Variants in DST observed in about 807,000 individuals in gnomAD.
The protein encoded by DST is dystonin.
DST carries 253 observed loss-of-function variants against 875.2 expected under a neutral mutation model. The ratio of observed to expected loss-of-function variants is 0.29; its 90% CI spans 0.26 to 0.32. DST has a LOEUF of 0.32. Ranked by LOEUF, DST falls within the 10% of genes least tolerant of loss-of-function variation. DST has a pLI of 1.00. For synonymous variants in DST, 3,124 were observed against 3,197.1 expected (o/e 0.98, Z 0.77); for missense variants, 8,287 against 9,111.6 (o/e 0.91, Z 3.68).
chr6:56,541,896 TAAAC>T (rs1482235487), intron 61 of DST, among the ~76,000 whole-genome samples: 2 of 152,016 alleles, frequency 1.3e-5, no homozygotes, highest in Non-Finnish European at 2.9e-5. Flanking sequence ...ACACAGAAAA[TAAAC>T]AAACACACAC....
At chr6:56,852,041 C>T in intron 3 of DST, 2 of 1,423,564 alleles carry the variant, frequency 1.4e-6, no homozygotes, top group Non-Finnish European at 1.8e-6. Context: ...CTCGAAGTTT[C>T]GAAAACAAAG....
At chr6:56,741,817 C>G (rs2099547741) in intron 4 of DST, among the ~76,000 whole-genome samples, 1 of 152,170 alleles carries the variant, frequency 6.6e-6, no homozygotes, top group African/African-American at 2.4e-5. Context: ...ACTTTTATAA[C>G]ATTCCTCTAT....
chr6:56,511,048 A>G, intron 73 of DST, 149 bp downstream of exon 73: 1 of 670,848 alleles, frequency 1.5e-6, no homozygotes, highest in Non-Finnish European at 2.5e-6. Context: ...GCAAGCAAAC[A>G]TCACCTCTGA....
chr6:56,763,729 AG>A (rs1278847196), intron 4 of DST, among the ~76,000 whole-genome samples: 2 of 146,458 alleles, frequency 1.4e-5, no homozygotes, highest in Non-Finnish European at 3.0e-5. Context: ...ACACACATAT[AG>A]GGATGGGTGG....
rs1227931498 is a variant in DST at position 56,597,750 on chromosome 6, T to C, written c.12185A>G (p.Gln4062Arg). 5 of 1,613,282 alleles carry C rather than the reference T, an allele frequency of 3.1e-6. No individual in the cohort carries two copies. The highest frequency in any genetic ancestry group is 1.3e-5 in the African/African-American group (1 of 74,922). The change falls in exon 47 of 104, where the codon CAG becomes CGG. Residue 4062 changes from glutamine to arginine, a missense_variant. Transcript: ENST00000680361. Reference sequence around the variant, plus strand: ...TTTATAACAACACACCTTAACTTTCTGATATTGCTGATTCAGATTCTCCTG... The same window carrying C: ...TTTATAACAACACACCTTAACTTTCCGATATTGCTGATTCAGATTCTCCTG... ...TTQENLNQQY[Q>R]KVKAQHEKII...
At chr6:56,851,301 A>G (rs1013869137) in intron 4 of DST, 96 bp downstream of exon 4, 1 of 1,117,462 alleles carries the variant, frequency 8.9e-7, no homozygotes, top group African/African-American at 1.6e-5. Context: ...ATTCCTGCCC[A>G]GTGCATCAGC....
intron 10 of DST, among the ~76,000 whole-genome samples, chr6:56,655,600 A>G (rs962490675): frequency 4.6e-5 from 7 of 152,154 alleles, no homozygotes; most frequent in Admixed American, 6.5e-5. Flanking sequence ...CTGCTTTCCT[A>G]TATTTGAGAA....
chr6:56,868,881 A>T (rs1591879869), intron 3 of DST, among the ~76,000 whole-genome samples: 1 of 152,338 alleles, frequency 6.6e-6, no homozygotes, highest in African/African-American at 2.4e-5. Context: ...GCACTTCTCA[A>T]TACCCTATGT....
chr6:56,917,055 G>A (rs905329078), intron 2 of DST, among the ~76,000 whole-genome samples: 1 of 147,850 alleles, frequency 6.8e-6, no homozygotes, highest in African/African-American at 2.5e-5. Context: ...GCTCGGACCA[G>A]GTATTTCTCA....
intron 90 of DST, 48 bp from the exon 91 acceptor site, chr6:56,477,536 A>C: frequency 1.2e-6 from 2 of 1,610,034 alleles, no homozygotes; most frequent in South Asian, 2.2e-5. Flanking sequence ...TTGGCTGAAA[A>C]CAAAACTCTG....
chr6:56,564,327 T>A (rs2097607626), intron 55 of DST, among the ~76,000 whole-genome samples: 2 of 152,214 alleles, frequency 1.3e-5, no homozygotes, highest in Non-Finnish European at 2.9e-5. Context: ...TATTTTATTC[T>A]CTTTGTAGCG....
chr6:56,506,518 A>G lies in DST; in HGVS notation c.19389T>C (p.Asn6463=). Residue 6463 remains asparagine (N), a synonymous_variant, in exon 77 of 104, where the codon AAT becomes AAC. Transcript: ENST00000680361. ...DELNSAWDSL[N]KAWKDRIDKL... ...TGTCAATCCGGTCTTTCCAAGCTTT[A>G]TTTAGAGAATCCCATGCTGAATTTA... is the stretch of plus-strand genomic sequence containing the variant. The G allele has an allele frequency of 1.2e-6, 2 of 1,613,010 alleles. No individual in the cohort carries two copies. The highest frequency in any genetic ancestry group is 8.5e-7 in the Non-Finnish European group (1 of 1,179,440).
chr6:56,742,333 C>A (rs1184469385), intron 4 of DST: 2 of 1,289,748 alleles, frequency 1.6e-6, no homozygotes, highest in Non-Finnish European at 2.0e-6. Flanking sequence ...CATGAGCTGC[C>A]CCATCATTCT....
chr6:56,643,476 G>A (rs1360440553), intron 15 of DST, among the ~76,000 whole-genome samples: 1 of 152,138 alleles, frequency 6.6e-6, no homozygotes, highest in Non-Finnish European at 1.5e-5. Flanking sequence ...GTAGAATACT[G>A]ATGCAATGCT....
At chr6:56,954,260 G>A (rs1824054846) in intron 1 of DST, 147 bp downstream of exon 1, 2 of 470,370 alleles carry the variant, frequency 4.3e-6, no homozygotes, top group Non-Finnish European at 7.2e-6. Context: ...AAAGGGCAAG[G>A]GGCGTTAAAG....
At chr6:56,489,449 T>C in intron 86 of DST, 41 bp downstream of exon 86, 1 of 1,573,374 alleles carries the variant, frequency 6.4e-7, no homozygotes, top group Non-Finnish European at 8.6e-7. Flanking sequence ...GATCTTGAAC[T>C]ATATAATGAG....
At chr6:56,612,148 T>C (rs767270746) in intron 37 of DST, among the ~76,000 whole-genome samples, 22 of 152,208 alleles carry the variant, frequency 1.4e-4, no homozygotes, top group Non-Finnish European at 2.2e-4. Flanking sequence ...AGCAGGCAGA[T>C]TGTTTTGAGC....
chr6:56,846,606 G>A (rs143562131), intron 4 of DST, among the ~76,000 whole-genome samples: 237 of 152,246 alleles, frequency 1.6e-3, no homozygotes, highest in Middle Eastern at 6.8e-3. Context: ...ATATTTCATT[G>A]TTTTATTCTC....
At position 56,625,109 on chromosome 6, in the gene DST, G is replaced by A. The variant is rs770090634; in HGVS notation, c.4830+48C>T. 6.3e-6 allele frequency: 8 copies of A among 1,274,184 alleles called. No individual in the cohort carries two copies. In the Admixed American group the frequency reaches 8.4e-5, roughly 13 times the overall value. 78.9% of individuals were successfully genotyped at this position (1,274,184 alleles called of 1,614,324 possible). A position where few individuals can be genotyped will look rare whatever the true frequency, so the allele number is the denominator to read the frequency against. On this transcript the variant is annotated intron_variant, in intron 35 of 103. Coordinates refer to ENST00000680361, the MANE Select transcript of DST (RefSeq NM_001374736.1). ...AAAAAATAAAATTTAAAAAGTAAGT[G>A]TTCTTTCTTTTATGCCCCTTCCCCT...
Sources: gnomAD v4.1 joint callset for allele counts (sites outside exome capture counted in the v4.1 genomes callset) on GRCh38, gnomAD v4.1.1 for gene constraint, MANE v1.5 for transcripts, NCBI Gene and HGNC (gene_info 2026-07-23, HGNC 2026-07-21) for gene names.